Variants in SCML2 observed in about 807,000 individuals in gnomAD.
The protein encoded by SCML2 is sex comb on midleg-like protein 2.
A neutral mutation model predicts 48.4 loss-of-function variants in SCML2; 6 were observed. The observed-to-expected ratio is 0.12, with a 90% confidence interval of 0.07 to 0.24. The LOEUF (loss-of-function observed/expected upper bound fraction) is 0.24, where lower values mean the gene tolerates loss of function less well. Ranked by LOEUF, SCML2 falls within the 10% of genes least tolerant of loss-of-function variation. The pLI is 1.00. For missense variants in SCML2, 377 were observed against 528.2 expected (o/e 0.71, Z 2.81); for synonymous variants, 181 against 189.5 (o/e 0.95, Z 0.37).
chrX:18,324,562 C>A (rs1929421893), intron 4 of SCML2, among the ~76,000 whole-genome samples: 1 of 111,821 alleles, frequency 8.9e-6, no homozygotes, highest in South Asian at 3.7e-4. Context: ...TCTTTCATGC[C>A]CATGTGCCTT....
Position 18,241,052 on chromosome X carries a change from C to T in SCML2, c.*199G>A, listed in dbSNP as rs1409015837. ...TTAAAGAAGTAGACTGGGGGAGTGGCGGCTGTGTCTCCCAAAGCTGGTTGG... is the reference window on the plus strand; with the variant it reads ...TTAAAGAAGTAGACTGGGGGAGTGGTGGCTGTGTCTCCCAAAGCTGGTTGG... On this transcript the variant is annotated 3_prime_UTR_variant, in exon 15 of 15. Coordinates refer to ENST00000251900, the MANE Select transcript of SCML2 (RefSeq NM_006089.3). 3 of 256,103 alleles carry T rather than the reference C, an allele frequency of 1.2e-5. No homozygotes were observed. The highest frequency in any genetic ancestry group is 1.4e-5 in the Non-Finnish European group (2 of 143,965). The allele number at this position is 256,103 out of a possible 1,213,427, so 21.1% of individuals were successfully genotyped here.
chrX:18,351,546 T>C (rs1228531678), intron 1 of SCML2, among the ~76,000 whole-genome samples: 1 of 109,101 alleles, frequency 9.2e-6, no homozygotes, highest in Non-Finnish European at 1.9e-5. Flanking sequence ...ATCAGGAATA[T>C]GACTATGAGG....
chrX:18,327,571 T>C (rs1374076152), intron 3 of SCML2, among the ~76,000 whole-genome samples: 1 of 111,982 alleles, frequency 8.9e-6, no homozygotes, highest in African/African-American at 3.2e-5. Flanking sequence ...TTAATTCATC[T>C]CCATAACACA....
intron 3 of SCML2, among the ~76,000 whole-genome samples, chrX:18,330,008 G>C (rs763502149): frequency 2.7e-5 from 3 of 112,213 alleles, no homozygotes; most frequent in Admixed American, 1.9e-4. Context: ...AACCCGGAAG[G>C]TGGAGGTTGC....
At chrX:18,254,745 G>A (rs1338767111) in intron 11 of SCML2, among the ~76,000 whole-genome samples, 1 of 111,053 alleles carries the variant, frequency 9.0e-6, no homozygotes, top group Non-Finnish European at 1.9e-5. Flanking sequence ...TCAACAAGGT[G>A]AAACTCCACC....
chrX:18,250,329 CA>C (rs1486427923), intron 11 of SCML2, among the ~76,000 whole-genome samples: 1 of 111,504 alleles, frequency 9.0e-6, no homozygotes, highest in Non-Finnish European at 1.9e-5. Context: ...TCTTGTGCCT[CA>C]GCCTCCCAAG....
chrX:18,339,016 C>T (rs1376447608), intron 1 of SCML2, among the ~76,000 whole-genome samples: 4 of 109,831 alleles, frequency 3.6e-5, no homozygotes, highest in African/African-American at 1.3e-4. Flanking sequence ...GTTCCTTATC[C>T]CATTCCATCT....
intron 8 of SCML2, among the ~76,000 whole-genome samples, chrX:18,265,042 T>A (rs1927211518): frequency 8.9e-6 from 1 of 112,106 alleles, no homozygotes; most frequent in Non-Finnish European, 1.9e-5. Flanking sequence ...GTACTTGACC[T>A]AAGGCTTAAA....
intron 8 of SCML2, among the ~76,000 whole-genome samples, chrX:18,263,544 C>T (rs192042664): frequency 9.7e-4 from 108 of 111,348 alleles, no homozygotes; most frequent in African/African-American, 3.4e-3. Context: ...CACCTTCATT[C>T]TTTTTAAGAA....
chrX:18,284,413 C>T (rs182651191), intron 7 of SCML2, among the ~76,000 whole-genome samples: 2 of 111,878 alleles, frequency 1.8e-5, no homozygotes, highest in Non-Finnish European at 3.8e-5. Flanking sequence ...CAAGTGGGAG[C>T]TAATTAAACA....
At chrX:18,290,623 G>A (rs894295709) in intron 7 of SCML2, among the ~76,000 whole-genome samples, 1 of 110,983 alleles carries the variant, frequency 9.0e-6, no homozygotes, top group Non-Finnish European at 1.9e-5. Flanking sequence ...ATTAATACTG[G>A]GGGCAAACTT....
chrX:18,251,970 A>G (rs1413963895), intron 11 of SCML2, among the ~76,000 whole-genome samples: 1 of 112,754 alleles, frequency 8.9e-6, no homozygotes, highest in African/African-American at 3.2e-5. Context: ...ATGCTACCAC[A>G]TGGGTGAACC....
intron 7 of SCML2, among the ~76,000 whole-genome samples, chrX:18,281,769 A>C (rs1301667626): frequency 1.3e-4 from 14 of 110,069 alleles, no homozygotes; most frequent in African/African-American, 4.6e-4. Flanking sequence ...AGAAAAAAAA[A>C]AACCAACCCC....
rs769459791 is a variant in SCML2, at chrX:18,242,596, A to G, written c.1823-6T>C. ...TACAGCTATATAACTTGGAGCTTCA[A>G]TGGGGGGGAAAAAAGACAAATCATA... On this transcript the variant is annotated splice_polypyrimidine_tract_variant and splice_region_variant and intron_variant, in intron 13 of 14. Coordinates refer to ENST00000251900, the MANE Select transcript of SCML2 (RefSeq NM_006089.3). The G allele has an allele frequency of 6.7e-6, 8 of 1,199,477 alleles. No individual in the cohort carries two copies. The Admixed American group carries it at 6.9e-5, about 10-fold the overall frequency.
In SCML2 at chrX:18,246,717, T is replaced by G; in HGVS notation, c.1682A>C (p.Asn561Thr). The G allele has an allele frequency of 8.3e-7, 1 of 1,209,932 alleles. No homozygotes were observed. Among genetic ancestry groups the G allele is most frequent in the South Asian group, 1.8e-5 (1 of 56,899 alleles). ...SGNYLNPACR[N>T]PMYIHTSVSQ... ...GACTGAAGTATGAATATACATAGGA[T>G]TTCTACAGGCAGGATTCAAATAATT... The change falls in exon 13 of 15, where the codon AAT (asparagine) becomes ACT (threonine). Residue 561 changes from asparagine (N) to threonine (T), a missense_variant. Coordinates refer to ENST00000251900, the MANE Select transcript of SCML2 (RefSeq NM_006089.3).
At chrX:18,292,378 A>C (rs1020859999) in intron 7 of SCML2, among the ~76,000 whole-genome samples, 1 of 111,589 alleles carries the variant, frequency 9.0e-6, no homozygotes, top group Non-Finnish European at 1.9e-5. Flanking sequence ...GTTTAATAAC[A>C]AATCTGGAAA....
At chrX:18,339,955 A>T (rs1273042866) in intron 1 of SCML2, among the ~76,000 whole-genome samples, 1 of 112,241 alleles carries the variant, frequency 8.9e-6, no homozygotes, top group Non-Finnish European at 1.9e-5. Context: ...ATTTTAAAAA[A>T]TCATATATGT....
intron 1 of SCML2, among the ~76,000 whole-genome samples, chrX:18,349,758 C>G (rs192312422): frequency 2.8e-4 from 31 of 111,926 alleles, no homozygotes; most frequent in Admixed American, 2.7e-3. Context: ...GATTGTGCCA[C>G]TGCACTACAG....
At chrX:18,274,191 G>T (rs1400073904) in intron 7 of SCML2, among the ~76,000 whole-genome samples, 1 of 111,584 alleles carries the variant, frequency 9.0e-6, no homozygotes, top group African/African-American at 3.3e-5. Context: ...GGGCTTCAGG[G>T]GTCACAGGTA....
Sources: gnomAD v4.1 joint callset for allele counts (sites outside exome capture counted in the v4.1 genomes callset) on GRCh38, gnomAD v4.1.1 for gene constraint, MANE v1.5 for transcripts, NCBI Gene and HGNC (gene_info 2026-07-23, HGNC 2026-07-21) for gene names.